Variants in PRLR observed in about 807,000 individuals in gnomAD.
The protein encoded by PRLR is prolactin receptor.
PRLR carries 13 observed loss-of-function variants against 40.2 expected under a neutral mutation model. The observed-to-expected ratio is 0.32, with a 90% CI of 0.21 to 0.51. The LOEUF (loss-of-function observed/expected upper bound fraction) is 0.51. Among genes scored for constraint, PRLR ranks in the 20% least tolerant of loss-of-function variants. PRLR has a pLI of 0.97. For synonymous variants in PRLR, 269 were observed against 278.7 expected, an observed-to-expected ratio of 0.97 and a Z score of 0.35; for missense variants, 656 against 747.3, an observed-to-expected ratio of 0.88 and a Z score of 1.42.
chr5:35,109,911 T>C (rs966818756), intron 2 of PRLR, among the ~76,000 whole-genome samples: 1 of 152,190 alleles, frequency 6.6e-6, no homozygotes, highest in Non-Finnish European at 1.5e-5. Context: ...TAAAGACACA[T>C]GCACACATAT....
chr5:35,162,025 A>G (rs1033243216), intron 1 of PRLR, among the ~76,000 whole-genome samples: 6 of 152,222 alleles, frequency 3.9e-5, no homozygotes, highest in African/African-American at 1.2e-4. Context: ...GCACTTAATC[A>G]TATTCATCTG....
At chr5:35,053,174 T>A (rs1376665769), downstream of PRLR, among the ~76,000 whole-genome samples, 2 of 152,172 alleles carry the variant, frequency 1.3e-5, no homozygotes, top group Admixed American at 1.3e-4. Flanking sequence ...TATTTAACAC[T>A]GTCCTGGAAG....
chr5:35,066,833 G>A (rs1287695186), intron 9 of PRLR, among the ~76,000 whole-genome samples: 1 of 143,164 alleles, frequency 7.0e-6, no homozygotes, highest in Non-Finnish European at 1.5e-5. Flanking sequence ...GCATGATCTC[G>A]GATCACTGCA....
At chr5:35,197,015 C>T (rs1775755020) in intron 1 of PRLR, among the ~76,000 whole-genome samples, 2 of 152,164 alleles carry the variant, frequency 1.3e-5, no homozygotes, top group Non-Finnish European at 2.9e-5. Context: ...CCAAAGGCTC[C>T]ATTATATTGG....
chr5:35,182,776 G>A (rs1236346688), intron 1 of PRLR, among the ~76,000 whole-genome samples: 2 of 152,154 alleles, frequency 1.3e-5, no homozygotes, highest in Non-Finnish European at 2.9e-5. Flanking sequence ...AAACCCCTGT[G>A]GGCTCAGATT....
At chr5:35,209,193 T>C (rs1186462028) in intron 1 of PRLR, among the ~76,000 whole-genome samples, 2 of 152,112 alleles carry the variant, frequency 1.3e-5, no homozygotes, top group East Asian at 1.9e-4. Context: ...ATTTTCTTTA[T>C]TTCATTCTAG....
At chr5:35,083,808 G>C (rs756702412) in intron 5 of PRLR, among the ~76,000 whole-genome samples, 1 of 135,016 alleles carries the variant, frequency 7.4e-6, no homozygotes, top group East Asian at 2.1e-4. Context: ...GTGAGGCACC[G>C]CGCCCAGCCT....
At chr5:35,094,361 C>A (rs1379177128) in intron 2 of PRLR, among the ~76,000 whole-genome samples, 1 of 152,146 alleles carries the variant, frequency 6.6e-6, no homozygotes, top group Non-Finnish European at 1.5e-5. Context: ...TGTAGTTTTA[C>A]ATAATTCATT....
chr5:35,075,472 T>A (rs1223369808), intron 5 of PRLR, among the ~76,000 whole-genome samples: 3 of 152,118 alleles, frequency 2.0e-5, no homozygotes, highest in Non-Finnish European at 4.4e-5. Flanking sequence ...AACTGCAAGG[T>A]GGCAGTGAGG....
chr5:35,163,706 A>G (rs967798895), intron 1 of PRLR, among the ~76,000 whole-genome samples: 5 of 152,250 alleles, frequency 3.3e-5, no homozygotes, highest in Admixed American at 1.3e-4. Flanking sequence ...ATAGATTTCA[A>G]TGATAAATTC....
At chr5:35,090,874 G>A (rs1467199683) in intron 2 of PRLR, among the ~76,000 whole-genome samples, 1 of 136,838 alleles carries the variant, frequency 7.3e-6, no homozygotes, top group East Asian at 2.2e-4. Flanking sequence ...GCAGTGGCGC[G>A]ATCTGGGCTC....
At position 35,060,614 on chromosome 5, in the gene PRLR, G is replaced by T. The variant is rs1389695875; in HGVS notation, c.*4475C>A. Reference sequence around the variant, plus strand: ...CATCCCAGGACATAGTGCCTACTTAGTCGTGGTGATGTGATTTAGTCTTGG... The same window carrying T: ...CATCCCAGGACATAGTGCCTACTTATTCGTGGTGATGTGATTTAGTCTTGG... On this transcript the variant is annotated 3_prime_UTR_variant, in exon 10 of 10. Transcript: ENST00000618457. 2 of 152,212 alleles carry T rather than the reference G, an allele frequency of 1.3e-5. No individual in the cohort carries two copies. Among genetic ancestry groups the T allele is most frequent in the Non-Finnish European group, 2.9e-5 (2 of 68,048 alleles). 9.4% of individuals were successfully genotyped at this position (152,212 alleles called of 1,614,324 possible).
At chr5:35,152,715 AT>A (rs1204519122) in intron 1 of PRLR, 1 of 152,214 alleles carries the variant, frequency 6.6e-6, no homozygotes, top group Non-Finnish European at 1.5e-5. Flanking sequence ...GAGCATGCAT[AT>A]TTTTAGTTTG....
chr5:35,071,285 C>T (rs531539822), intron 6 of PRLR, among the ~76,000 whole-genome samples: 12 of 151,642 alleles, frequency 7.9e-5, no homozygotes, highest in South Asian at 6.2e-4. Context: ...GACAAGTGGC[C>T]CAGTCTCCTC....
At chr5:35,067,159 G>C (rs1055715670) in intron 9 of PRLR, among the ~76,000 whole-genome samples, 1 of 152,140 alleles carries the variant, frequency 6.6e-6, no homozygotes, top group Admixed American at 6.5e-5. Context: ...GCTGCTCTCT[G>C]AACTTCAGCT....
chr5:35,167,970 G>C (rs1326077566), intron 1 of PRLR, among the ~76,000 whole-genome samples: 1 of 151,912 alleles, frequency 6.6e-6, no homozygotes, highest in African/African-American at 2.4e-5. Flanking sequence ...AATGTAAATG[G>C]ATTAAATACT....
rs1387572604 is a variant in PRLR, at chr5:35,065,364, C to T, written c.1594G>A (p.Gly532Ser). Reference sequence around the variant, plus strand: ...GGAGTCCCGGGCTTCTTGGGCTTGCCGCTGTTCTCTCTCTGTTTTGGTAGC... The same window carrying T: ...GGAGTCCCGGGCTTCTTGGGCTTGCTGCTGTTCTCTCTCTGTTTTGGTAGC... The part of the protein sequence containing the change: ...SLLPKQRENS[G>S]KPKKPGTPEN... Residue 532 changes from glycine (G) to serine (S), a missense_variant, in exon 10 of 10, where the codon GGC (glycine) becomes AGC (serine). Gly to Ser is a moderately conservative substitution (Grantham distance 56). Around this residue, in one of 3 missense-constraint regions of PRLR, gnomAD observed 469 missense variants for 491.5 expected, o/e 0.95. Coordinates refer to ENST00000618457, the MANE Select transcript of PRLR (RefSeq NM_000949.7). The T allele has an allele frequency of 1.7e-5, 27 of 1,613,938 alleles. No homozygotes were observed. The highest frequency in any genetic ancestry group is 1.6e-4 in the Middle Eastern group (1 of 6,084).
intron 1 of PRLR, among the ~76,000 whole-genome samples, chr5:35,170,744 C>G (rs1774974745): frequency 6.6e-6 from 1 of 152,152 alleles, no homozygotes; most frequent in Admixed American, 6.5e-5. Flanking sequence ...CTATAAATTC[C>G]ATAGAGATGA....
At chr5:35,158,714 A>G (rs1774583213) in intron 1 of PRLR, among the ~76,000 whole-genome samples, 1 of 152,056 alleles carries the variant, frequency 6.6e-6, no homozygotes, top group Non-Finnish European at 1.5e-5. Flanking sequence ...GCTTCTTTTT[A>G]TGGAGACAGA....
Sources: allele counts gnomAD v4.1 joint callset (sites outside exome capture counted in the v4.1 genomes callset), GRCh38; gene constraint gnomAD v4.1.1; regional missense constraint gnomAD v4.1.1; transcripts MANE v1.5; gene names NCBI Gene and HGNC (gene_info 2026-07-23, HGNC 2026-07-21).